PPP1R3B: variants seen among roughly 807,000 people sequenced by gnomAD.
PPP1R3B encodes the protein PP1 subunit R4.
Under a neutral mutation model 14.6 loss-of-function variants are expected in PPP1R3B, and 8 were observed. The ratio of observed to expected loss-of-function variants is 0.55; its 90% CI spans 0.32 to 0.99. PPP1R3B has a LOEUF of 0.99. Among genes scored for constraint, PPP1R3B ranks in the 50% least tolerant of loss-of-function variants. PPP1R3B has a pLI of 0.04. For missense variants in PPP1R3B, 452 were observed against 360.1 expected (o/e 1.26, Z -2.07); for synonymous variants, 169 against 142.0 (o/e 1.19, Z -1.35).
intron 1 of PPP1R3B, among the ~76,000 whole-genome samples, chr8:9,149,899 CAG>C (rs1270791928): frequency 6.6e-6 from 1 of 152,246 alleles, no homozygotes; most frequent in Non-Finnish European, 1.5e-5. Flanking sequence ...CGAGGGAAAA[CAG>C]AGTACTAGGC....
At position 9,138,070 on chromosome 8, in the gene PPP1R3B, G is replaced by A. The variant is rs576212331; in HGVS notation, c.*2724C>T. 9 of 152,186 alleles carry A rather than the reference G, an allele frequency of 5.9e-5. No individual in the cohort carries two copies. Among genetic ancestry groups the A allele is most frequent in the South Asian group, 4.1e-4 (2 of 4,826 alleles). The allele number at this position is 152,186 out of a possible 1,614,324, so 9.4% of individuals were successfully genotyped here. On this transcript the variant is annotated 3_prime_UTR_variant, in exon 2 of 2. Transcript: ENST00000310455. ...CTTATGAACAGAGTGATCCTTAGTCGGGTAACATGTCAATGACAGTGCACT... is the reference window on the plus strand; with the variant it reads ...CTTATGAACAGAGTGATCCTTAGTCAGGTAACATGTCAATGACAGTGCACT...
intron 1 of PPP1R3B, among the ~76,000 whole-genome samples, chr8:9,148,600 G>A (rs1396032149): frequency 6.6e-6 from 1 of 152,208 alleles, no homozygotes; most frequent in Non-Finnish European, 1.5e-5. Context: ...GTAGATTACA[G>A]TGTTCATGGC....
rs545119337 is a variant in PPP1R3B, at chr8:9,140,701, C to T, written c.*93G>A. On this transcript the variant is annotated 3_prime_UTR_variant, in exon 2 of 2. Coordinates refer to ENST00000310455, the MANE Select transcript of PPP1R3B (RefSeq NM_024607.4). ...CAAACGGGGCCTCATGGAAGTTCCACGTTGCTCCTCCCTGGCCTTCCATCT... is the reference window on the plus strand; with the variant it reads ...CAAACGGGGCCTCATGGAAGTTCCATGTTGCTCCTCCCTGGCCTTCCATCT... 1.5e-5 allele frequency: 20 copies of T among 1,356,986 alleles called. No homozygotes were observed. Among genetic ancestry groups the T allele is most frequent in the South Asian group, 1.1e-4 (8 of 73,094 alleles). The allele number at this position is 1,356,986 out of a possible 1,614,324, so 84.1% of individuals were successfully genotyped here. A position where few individuals can be genotyped will look rare whatever the true frequency, so the allele number is the denominator to read the frequency against.
At chr8:9,141,694 G>T (rs1325498347) in intron 1 of PPP1R3B, 26 bp from the exon 2 acceptor site, 4 of 1,588,714 alleles carry the variant, frequency 2.5e-6, no homozygotes, top group East Asian at 4.5e-5. Flanking sequence ...GGGAAGAGAA[G>T]AAAGAAAACA....
chr8:9,144,452 C>G (rs1188003302), intron 1 of PPP1R3B, among the ~76,000 whole-genome samples: 2 of 152,236 alleles, frequency 1.3e-5, no homozygotes, highest in Admixed American at 6.5e-5. Context: ...CCTCAGCCTC[C>G]CAAAATGCTG....
In PPP1R3B at chr8:9,141,560, C is replaced by T. The variant is rs1405201932; in HGVS notation, c.92G>A (p.Ser31Asn). The T allele has an allele frequency of 1.2e-6, 2 of 1,613,990 alleles. No individual in the cohort carries two copies. The highest frequency in any genetic ancestry group is 1.7e-6 in the Non-Finnish European group (2 of 1,180,048). ...RFAFKISPKP[S>N]KPLRPCIQLS... The stretch of plus-strand genomic sequence containing the variant: ...CTGAATACAAGGCCTCAGTGGTTTG[C>T]TGGGCTTTGGTGAGATCTTAAAGGC... The change falls in exon 2 of 2, where the codon AGC becomes AAC. Residue 31 changes from serine (S) to asparagine (N), a missense_variant. Coordinates refer to ENST00000310455, the MANE Select transcript of PPP1R3B (RefSeq NM_024607.4).
At chr8:9,143,251 T>C (rs546004406) in intron 1 of PPP1R3B, among the ~76,000 whole-genome samples, 1 of 152,342 alleles carries the variant, frequency 6.6e-6, no homozygotes, top group East Asian at 1.9e-4. Flanking sequence ...TGCTATAATC[T>C]GATAAAAAGA....
rs1268476183 is a variant in PPP1R3B, at chr8:9,137,053, T to C, written c.*3741A>G. Reference sequence around the variant, plus strand: ...TTACATCTTCTAAGAATGTATAATTTTGCCACCATTAAAATGAAATCTTAA... The same window carrying C: ...TTACATCTTCTAAGAATGTATAATTCTGCCACCATTAAAATGAAATCTTAA... On this transcript the variant is annotated 3_prime_UTR_variant, in exon 2 of 2. Coordinates refer to ENST00000310455, the MANE Select transcript of PPP1R3B (RefSeq NM_024607.4). 6.6e-6 allele frequency: 1 copy of C among 152,198 alleles called. No individual in the cohort carries two copies. Among genetic ancestry groups the C allele is most frequent in the East Asian group, 1.9e-4 (1 of 5,200 alleles). 9.4% of individuals were successfully genotyped at this position (152,198 alleles called of 1,614,324 possible).
rs1471452740 is a variant in PPP1R3B at position 9,140,763 on chromosome 8, C to T, written c.*31G>A. The T allele has an allele frequency of 5.0e-6, 8 of 1,604,910 alleles. No individual in the cohort carries two copies. Among genetic ancestry groups the T allele is most frequent in the Non-Finnish European group, 6.8e-6 (8 of 1,175,136 alleles). ...TGAGCAGAGCTAGGCTTGTCTGTGG[C>T]AGCTCCGCCACGCCCTGTCACCTGC... On this transcript the variant is annotated 3_prime_UTR_variant, in exon 2 of 2. Transcript: ENST00000310455.
chr8:9,148,715 G>A (rs1039851318), intron 1 of PPP1R3B, among the ~76,000 whole-genome samples: 2 of 151,474 alleles, frequency 1.3e-5, no homozygotes, highest in Non-Finnish European at 2.9e-5. Flanking sequence ...AAGGTTAGAC[G>A]GCCATGGTGA....
At position 9,146,522 on chromosome 8, in the gene PPP1R3B, C is replaced by G. The variant is rs561657500; in HGVS notation, c.-18+4041G>C. Among the ~76,000 whole-genome samples, 2 of 152,286 alleles carry G rather than the reference C, an allele frequency of 1.3e-5. 1 individual carries two copies. Among genetic ancestry groups the G allele is most frequent in the South Asian group, 4.1e-4 (2 of 4,826 alleles). On this transcript the variant is annotated intron_variant, in intron 1 of 1. Coordinates refer to ENST00000310455, the MANE Select transcript of PPP1R3B (RefSeq NM_024607.4). Reference sequence around the variant, plus strand: ...TAAAGAAAAAAGGTGAACGGACGAACACATATCAGATTTGACCCCATTTTT... The same window carrying G: ...TAAAGAAAAAAGGTGAACGGACGAAGACATATCAGATTTGACCCCATTTTT...
At chr8:9,147,276 T>A (rs1400411201) in intron 1 of PPP1R3B, among the ~76,000 whole-genome samples, 1 of 152,148 alleles carries the variant, frequency 6.6e-6, no homozygotes, top group Non-Finnish European at 1.5e-5. Context: ...GCTGGGATTA[T>A]AGGCATGAGC....
chr8:9,146,639 C>T (rs1050586289), intron 1 of PPP1R3B, among the ~76,000 whole-genome samples: 19 of 152,152 alleles, frequency 1.2e-4, no homozygotes, highest in Non-Finnish European at 1.8e-4. Flanking sequence ...AAAACAATAA[C>T]TTATGGCCAG....
rs1010143458 is a variant in PPP1R3B at position 9,138,808 on chromosome 8, C to G, written c.*1986G>C. 2.6e-5 allele frequency: 4 copies of G among 152,134 alleles called. No individual in the cohort carries two copies. The highest frequency in any genetic ancestry group is 6.5e-5 in the Admixed American group (1 of 15,272). 9.4% of individuals were successfully genotyped at this position (152,134 alleles called of 1,614,324 possible). A position where few individuals can be genotyped will look rare whatever the true frequency, so the allele number is the denominator to read the frequency against. On this transcript the variant is annotated 3_prime_UTR_variant, in exon 2 of 2. Coordinates refer to ENST00000310455, the MANE Select transcript of PPP1R3B (RefSeq NM_024607.4). ...ACAAACAAAAATAGAAAATAAAAAA[C>G]CAACTTCCTACAAGTATACTTGTAA...
chr8:9,147,973 T>C (rs1406175701), intron 1 of PPP1R3B, among the ~76,000 whole-genome samples: 2 of 152,158 alleles, frequency 1.3e-5, no homozygotes, highest in Non-Finnish European at 2.9e-5. Flanking sequence ...GGTGAGGACA[T>C]TAACCTGTGT....
rs1311448934 is a variant in PPP1R3B at position 9,139,404 on chromosome 8, G to A, written c.*1390C>T. 1 of 152,112 alleles carries A rather than the reference G, an allele frequency of 6.6e-6. No individual in the cohort carries two copies. Among genetic ancestry groups the A allele is most frequent in the Non-Finnish European group, 1.5e-5 (1 of 68,024 alleles). 9.4% of individuals were successfully genotyped at this position (152,112 alleles called of 1,614,324 possible). A position where few individuals can be genotyped will look rare whatever the true frequency, so the allele number is the denominator to read the frequency against. ...AAGAACACCCAAGTCCATGTCCCTG[G>A]GTGCTGGTAAAGTGTTCTAGATAGT... On this transcript the variant is annotated 3_prime_UTR_variant, in exon 2 of 2. Transcript: ENST00000310455.
At position 9,138,221 on chromosome 8, in the gene PPP1R3B, T is replaced by G. The variant is rs879130627; in HGVS notation, c.*2573A>C. The G allele has an allele frequency of 6.6e-6, 1 of 152,158 alleles. No individual in the cohort carries two copies. Among genetic ancestry groups the G allele is most frequent in the Non-Finnish European group, 1.5e-5 (1 of 68,034 alleles). The allele number at this position is 152,158 out of a possible 1,614,324, so 9.4% of individuals were successfully genotyped here. On this transcript the variant is annotated 3_prime_UTR_variant, in exon 2 of 2. Coordinates refer to ENST00000310455, the MANE Select transcript of PPP1R3B (RefSeq NM_024607.4). The stretch of plus-strand genomic sequence containing the variant: ...CTATTAATAGTTCTGATCACCAAAT[T>G]TATAACATTTAAAGTACTGTCTGTT...
chr8:9,148,122 CA>C (rs1801296081), intron 1 of PPP1R3B, among the ~76,000 whole-genome samples: 1 of 152,188 alleles, frequency 6.6e-6, no homozygotes, highest in Non-Finnish European at 1.5e-5. Flanking sequence ...CTGAACTGCT[CA>C]GGAACTCCCC....
chr8:9,151,003 G>A (rs956527527), upstream of PPP1R3B, among the ~76,000 whole-genome samples: 3 of 152,034 alleles, frequency 2.0e-5, no homozygotes, highest in South Asian at 6.2e-4. Flanking sequence ...CTCGGGACCC[G>A]GGGCTGGGAA....
Sources: allele counts gnomAD v4.1 joint callset (sites outside exome capture counted in the v4.1 genomes callset), GRCh38; gene constraint gnomAD v4.1.1; transcripts MANE v1.5; gene names NCBI Gene and HGNC (gene_info 2026-07-23, HGNC 2026-07-21).